Variants in CACNA1B observed in about 807,000 individuals in gnomAD.
The protein encoded by CACNA1B is calcium voltage-gated channel subunit alpha1 B.
A neutral mutation model predicts 247.2 loss-of-function variants in CACNA1B; 70 were observed. That is an observed-to-expected ratio of 0.28 (90% CI 0.23 to 0.35). CACNA1B has a LOEUF of 0.35. CACNA1B is among the 10% of genes least tolerant of loss of function. The pLI is 1.00. For missense variants in CACNA1B, 2,367 were observed against 3,197.4 expected (o/e 0.74, Z 6.26); for synonymous variants, 1,231 against 1,294.4 (o/e 0.95, Z 1.05).
At chr9:138,037,299 C>T (rs1458461960) in intron 20 of CACNA1B, among the ~76,000 whole-genome samples, 1 of 152,212 alleles carries the variant, frequency 6.6e-6, no homozygotes, top group Non-Finnish European at 1.5e-5. Context: ...CATCCCTGGC[C>T]TCTGCCTTCT....
chr9:138,068,340 A>G (rs1034247834), intron 31 of CACNA1B, among the ~76,000 whole-genome samples: 45 of 152,166 alleles, frequency 3.0e-4, no homozygotes, highest in African/African-American at 1.0e-3. Flanking sequence ...ACTTGGTTTT[A>G]CTTTTCTTTA....
At chr9:137,916,367 A>G (rs576342331) in intron 5 of CACNA1B, among the ~76,000 whole-genome samples, 2 of 151,812 alleles carry the variant, frequency 1.3e-5, no homozygotes. Context: ...TCGGCCTTTC[A>G]TTGAGATTTT....
intron 40 of CACNA1B, among the ~76,000 whole-genome samples, 167 bp from the exon 41 acceptor site, chr9:138,114,211 T>C (rs2131366139): frequency 6.6e-6 from 1 of 152,268 alleles, no homozygotes; most frequent in African/African-American, 2.4e-5. Flanking sequence ...AAACTCCTGG[T>C]GGCCGAGCCC....
Position 138,011,059 on chromosome 9 carries a change from C to A in CACNA1B, c.2160+982C>A, listed in dbSNP as rs563227597. 6.6e-6 allele frequency among the ~76,000 whole-genome samples: 1 copy of A among 152,232 alleles called. No individual in the cohort carries two copies. The highest frequency in any genetic ancestry group is 1.5e-5 in the Non-Finnish European group (1 of 68,040). The stretch of plus-strand genomic sequence containing the variant: ...CTTCTGCTCAGCCTTCTTACTCCCA[C>A]GCCTCCAGACCTGGGCCATGGCCAT... On this transcript the variant is annotated intron_variant, in intron 17 of 46. Transcript: ENST00000371372. This position sits in a 1 kb window ranked among gnomAD's most constrained non-coding sequence, Gnocchi z 4.2.
chr9:138,054,101 C>A lies in CACNA1B; in HGVS notation c.3968+95C>A. On this transcript the variant is annotated intron_variant, in intron 26 of 46. Coordinates refer to ENST00000371372, the MANE Select transcript of CACNA1B (RefSeq NM_000718.4). The surrounding 1 kb of genome is among the most constrained non-coding windows in gnomAD (Gnocchi z 4.6). ...GGACCAGGTGGAGCTGGTCACACGG[C>A]GTGGGAGACTCCACTGCAGAGCATC... 3 of 1,185,724 alleles carry A rather than the reference C, an allele frequency of 2.5e-6. No individual in the cohort carries two copies. Among genetic ancestry groups the A allele is most frequent in the South Asian group, 2.6e-5 (2 of 76,142 alleles). The allele number at this position is 1,185,724 out of a possible 1,614,324, so 73.5% of individuals were successfully genotyped here.
rs538066561 is a variant in CACNA1B, at chr9:138,070,733, G to A, written c.4674+970G>A. 2.0e-5 allele frequency among the ~76,000 whole-genome samples: 3 copies of A among 152,356 alleles called. No individual in the cohort carries two copies. In the South Asian group the frequency reaches 6.2e-4, roughly 32 times the overall value. On this transcript the variant is annotated intron_variant, in intron 32 of 46. Transcript: ENST00000371372. ...CTCGTGCCAGTCAGGCCTCTGCTCAGCGTCACCTCCTCAGAGAGCCCTTCC... is the reference window on the plus strand; with the variant it reads ...CTCGTGCCAGTCAGGCCTCTGCTCAACGTCACCTCCTCAGAGAGCCCTTCC...
chr9:137,975,066 C>A (rs746641879), intron 11 of CACNA1B, among the ~76,000 whole-genome samples: 1 of 152,162 alleles, frequency 6.6e-6, no homozygotes, highest in South Asian at 2.1e-4. Context: ...TCTGGAGCCA[C>A]GGCGTTCTTC....
chr9:138,120,805 C>T lies in CACNA1B; in HGVS notation c.6413C>T (p.Pro2138Leu). The change falls in exon 46 of 47, where the codon CCC becomes CTC. Residue 2138 changes from proline to leucine, a missense_variant. By Grantham distance (98) the Pro-to-Leu change is moderately conservative. Coordinates refer to ENST00000371372, the MANE Select transcript of CACNA1B (RefSeq NM_000718.4). ...TGCGACCGCTTTGGGGGCCGTGAGC[C>T]CCCGAAGCCCAAGCCCTCCCTCAGC... ...YSCDRFGGREPPKPKPSLSSH... is the reference protein window; with the variant it reads ...YSCDRFGGRELPKPKPSLSSH... 1 of 1,559,678 alleles carries T rather than the reference C, an allele frequency of 6.4e-7. No homozygotes were observed. Among genetic ancestry groups the T allele is most frequent in the Non-Finnish European group, 8.7e-7 (1 of 1,152,362 alleles).
intron 6 of CACNA1B, among the ~76,000 whole-genome samples, chr9:137,942,816 G>A (rs1056546001): frequency 1.3e-5 from 2 of 152,206 alleles, no homozygotes; most frequent in African/African-American, 2.4e-5. Flanking sequence ...GGGGACTCAG[G>A]AAGAAAGGGT....
intron 19 of CACNA1B, among the ~76,000 whole-genome samples, chr9:138,024,176 T>G (rs1421280268): frequency 6.6e-6 from 1 of 151,722 alleles, no homozygotes; most frequent in Admixed American, 6.6e-5. Context: ...GGGATTGCAG[T>G]GGAGGAAGGA....
chr9:138,006,730 C>A, intron 15 of CACNA1B, 37 bp from the exon 16 acceptor site: 1 of 1,226,892 alleles, frequency 8.2e-7, no homozygotes, highest in Non-Finnish European at 1.2e-6. Flanking sequence ...GGAAGGCGGC[C>A]ATGGGGGCTT....
chr9:137,884,965 C>CT (rs1452632088), intron 3 of CACNA1B, among the ~76,000 whole-genome samples: 2 of 110,730 alleles, frequency 1.8e-5, no homozygotes, highest in African/African-American at 6.6e-5. Context: ...CTTCCCCCCC[C>CT]CCCTCCTCCC....
intron 36 of CACNA1B, among the ~76,000 whole-genome samples, chr9:138,083,912 C>T (rs1380133012): frequency 6.6e-6 from 1 of 150,736 alleles, no homozygotes; most frequent in African/African-American, 2.5e-5. Flanking sequence ...CTAGAGTAAC[C>T]ACTACATGGT....
In CACNA1B at chr9:137,986,361, A is replaced by G; in HGVS notation, c.1770-52A>G. The G allele has an allele frequency of 1.9e-6, 3 of 1,604,422 alleles. No homozygotes were observed. The highest frequency in any genetic ancestry group is 2.6e-6 in the Non-Finnish European group (3 of 1,174,702). ...TTAAGTGTGGCTGCAGAGAGCCATGAATGTGAAGTCAGCGTCTGGAGCTGG... is the reference window on the plus strand; with the variant it reads ...TTAAGTGTGGCTGCAGAGAGCCATGGATGTGAAGTCAGCGTCTGGAGCTGG... On this transcript the variant is annotated intron_variant, in intron 13 of 46. Transcript: ENST00000371372. This position sits in a 1 kb window ranked among gnomAD's most constrained non-coding sequence, Gnocchi z 6.0.
intron 6 of CACNA1B, among the ~76,000 whole-genome samples, chr9:137,945,043 C>T (rs1223817073): frequency 6.6e-6 from 1 of 152,210 alleles, no homozygotes; most frequent in Non-Finnish European, 1.5e-5. Flanking sequence ...AAGACCTGTA[C>T]GTATGGGATT....
chr9:137,965,545 G>T (rs1958064586), intron 10 of CACNA1B, among the ~76,000 whole-genome samples: 1 of 152,082 alleles, frequency 6.6e-6, no homozygotes, highest in Non-Finnish European at 1.5e-5. Flanking sequence ...AGCTGAGCAT[G>T]GTGGTGCATG....
rs534956899 is a variant in CACNA1B, at chr9:138,111,813, T to C, written c.5429-585T>C. ...GGCCAGTGTACTCGGGGGCTCCTTT[T>C]ACCTTCAGGGCACACAGGCCTCCTC... On this transcript the variant is annotated intron_variant, in intron 39 of 46. Coordinates refer to ENST00000371372, the MANE Select transcript of CACNA1B (RefSeq NM_000718.4). Among the ~76,000 whole-genome samples the C allele has an allele frequency of 3.4e-3, 523 of 152,234 alleles. 2 individuals are homozygous for C. Among genetic ancestry groups the C allele is most frequent in the African/African-American group, 0.012 (506 of 41,518 alleles).
At chr9:137,948,060 A>G (rs1957818528) in intron 6 of CACNA1B, among the ~76,000 whole-genome samples, 1 of 142,286 alleles carries the variant, frequency 7.0e-6, no homozygotes, top group Non-Finnish European at 1.5e-5. Context: ...GGCTCACTGC[A>G]AACTCCGCCT....
chr9:137,980,603 C>T (rs1025164044), intron 12 of CACNA1B, among the ~76,000 whole-genome samples: 15 of 152,330 alleles, frequency 9.8e-5, no homozygotes, highest in African/African-American at 2.9e-4. Flanking sequence ...GGGATACACA[C>T]GATCCTATCA....
Sources: allele counts gnomAD v4.1 joint callset (sites outside exome capture counted in the v4.1 genomes callset), GRCh38; gene constraint gnomAD v4.1.1; non-coding constraint Gnocchi (gnomAD v3.1); transcripts MANE v1.5; gene names NCBI Gene and HGNC (gene_info 2026-07-23, HGNC 2026-07-21).